Variants in SPP2 observed in about 807,000 individuals in gnomAD.
The protein encoded by SPP2 is secreted phosphoprotein 24.
In SPP2, 34 loss-of-function variants were observed where a neutral mutation model predicts 28.8. The ratio of observed to expected loss-of-function variants is 1.18; its 90% confidence interval spans 0.90 to 1.57. SPP2 has a LOEUF of 1.57. Ranked by LOEUF, SPP2 falls within the 40% of genes most tolerant of loss-of-function variation. The pLI is 0.00. For missense variants in SPP2, 269 were observed against 263.9 expected, an observed-to-expected ratio of 1.02 and a Z score of -0.13; for synonymous variants, 96 against 89.4, an observed-to-expected ratio of 1.07 and a Z score of -0.42.
intron 4 of SPP2, among the ~76,000 whole-genome samples, chr2:234,061,768 A>C (rs9636245): frequency 0.29 from 43,641 of 152,054 alleles, 6,428 homozygotes; most frequent in South Asian, 0.48. Flanking sequence ...AAGAGAACTT[A>C]ACACAGTTTA....
rs1199625002 is a variant in SPP2, at chr2:234,060,391, C to T, written c.356C>T (p.Thr119Ile). 6.2e-7 allele frequency: 1 copy of T among 1,614,030 alleles called. No homozygotes were observed. Among genetic ancestry groups the T allele is most frequent in the South Asian group, 1.1e-5 (1 of 91,074 alleles). Residue 119 changes from threonine (T) to isoleucine (I), a missense_variant, in exon 4 of 8, where the codon ACC becomes ATC. Coordinates refer to ENST00000168148, the MANE Select transcript of SPP2 (RefSeq NM_006944.3). The stretch of plus-strand genomic sequence containing the variant: ...CAGTCCACAGCTGTTTGCAGAAGCA[C>T]CGTGAAGGTATCTGCCCAGCAGGTG... ...YYVSTAVCRS[T>I]VKVSAQQVQG... is the part of the protein sequence containing the mutation.
chr2:234,065,595 T>A (rs1693803092), intron 4 of SPP2, among the ~76,000 whole-genome samples: 1 of 152,180 alleles, frequency 6.6e-6, no homozygotes, highest in African/African-American at 2.4e-5. Flanking sequence ...GTGGTTTTAA[T>A]TTACATTTTT....
intron 4 of SPP2, among the ~76,000 whole-genome samples, chr2:234,062,770 C>T (rs528294434): frequency 6.6e-6 from 1 of 152,164 alleles, no homozygotes; most frequent in Non-Finnish European, 1.5e-5. Context: ...AAATGGCCAG[C>T]TAAGTTAACG....
intron 2 of SPP2, among the ~76,000 whole-genome samples, chr2:234,055,104 G>T (rs1372440670): frequency 6.6e-6 from 1 of 151,928 alleles, no homozygotes; most frequent in African/African-American, 2.4e-5. Flanking sequence ...GAACCAATAT[G>T]ACATGCATAC....
intron 7 of SPP2, among the ~76,000 whole-genome samples, chr2:234,071,179 C>A (rs138553616): frequency 9.2e-5 from 14 of 152,334 alleles, no homozygotes; most frequent in African/African-American, 3.1e-4. Flanking sequence ...CACTTCACTA[C>A]CATCACCAAT....
intron 7 of SPP2, among the ~76,000 whole-genome samples, chr2:234,074,726 G>A (rs1690861600): frequency 6.6e-6 from 1 of 152,140 alleles, no homozygotes; most frequent in South Asian, 2.1e-4. Context: ...AATTCTCTGA[G>A]CCTCTGTTCC....
chr2:234,072,862 G>T (rs1386032570), intron 7 of SPP2, among the ~76,000 whole-genome samples: 1 of 152,060 alleles, frequency 6.6e-6, no homozygotes, highest in Non-Finnish European at 1.5e-5. Context: ...ATTACTTTTT[G>T]CTTTTTCTTG....
At chr2:234,050,912 C>T (rs1280206648) in intron 1 of SPP2, 41 bp downstream of exon 1, 1 of 1,613,996 alleles carries the variant, frequency 6.2e-7, no homozygotes, top group East Asian at 2.2e-5. Flanking sequence ...CTGGATCATG[C>T]AGAGCCATGC....
In SPP2 at chr2:234,058,324, T is replaced by C. The variant is rs560158284; in HGVS notation, c.211-512T>C. On this transcript the variant is annotated intron_variant, in intron 2 of 7. Transcript: ENST00000168148. ...GCAAAAAAAGCCACGAAATAGACCA[T>C]AAAAAGCACACTTGTTTTCAATATG... 5.9e-5 allele frequency among the ~76,000 whole-genome samples: 9 copies of C among 152,182 alleles called. No homozygotes were observed. The South Asian group carries it at 1.7e-3, about 28-fold the overall frequency.
intron 7 of SPP2, among the ~76,000 whole-genome samples, chr2:234,072,708 G>C (rs1690819480): frequency 2.0e-5 from 3 of 152,144 alleles, no homozygotes; most frequent in Non-Finnish European, 4.4e-5. Flanking sequence ...AATGAGGCTG[G>C]TAAGGCCGGC....
At chr2:234,057,532 C>G (rs558934161) in intron 2 of SPP2, among the ~76,000 whole-genome samples, 1 of 152,258 alleles carries the variant, frequency 6.6e-6, no homozygotes, top group South Asian at 2.1e-4. Flanking sequence ...TCTTGATAGC[C>G]CCATAACTAT....
intron 7 of SPP2, among the ~76,000 whole-genome samples, chr2:234,072,531 A>G (rs982283634): frequency 6.6e-5 from 10 of 152,184 alleles, no homozygotes; most frequent in African/African-American, 2.4e-4. Context: ...TAAATTCATC[A>G]TTTGATTTTT....
At chr2:234,053,758 G>A (rs979366971) in intron 2 of SPP2, among the ~76,000 whole-genome samples, 2 of 152,056 alleles carry the variant, frequency 1.3e-5, no homozygotes, top group Admixed American at 1.3e-4. Context: ...CTTGACATTA[G>A]GCTCACTTGG....
intron 3 of SPP2, 139 bp downstream of exon 3, chr2:234,059,097 C>A: frequency 9.7e-7 from 1 of 1,033,788 alleles, no homozygotes; most frequent in Non-Finnish European, 1.3e-6. Flanking sequence ...ATTGTGTCCC[C>A]TGGTGGGGGA....
At chr2:234,066,647 T>C in intron 5 of SPP2, 60 bp downstream of exon 5, 2 of 1,240,106 alleles carry the variant, frequency 1.6e-6, no homozygotes, top group Non-Finnish European at 2.3e-6. Flanking sequence ...ATTGCAACTC[T>C]TTGTTAGTGA....
intron 2 of SPP2, among the ~76,000 whole-genome samples, chr2:234,056,512 G>C (rs1442882049): frequency 6.6e-6 from 1 of 152,158 alleles, no homozygotes; most frequent in African/African-American, 2.4e-5. Context: ...CCTTCAAGAT[G>C]CAAAAGAGGT....
intron 2 of SPP2, among the ~76,000 whole-genome samples, chr2:234,055,493 C>A (rs1185519881): frequency 6.6e-6 from 1 of 152,168 alleles, no homozygotes; most frequent in Non-Finnish European, 1.5e-5. Flanking sequence ...AATATCTGGG[C>A]ACCATGGTTC....
intron 4 of SPP2, among the ~76,000 whole-genome samples, chr2:234,062,763 T>C (rs1458807554): frequency 1.3e-5 from 2 of 152,192 alleles, no homozygotes; most frequent in Non-Finnish European, 2.9e-5. Flanking sequence ...ATTTAGTAAA[T>C]GGCCAGCTAA....
At chr2:234,071,517 G>A (rs1261444414) in intron 7 of SPP2, among the ~76,000 whole-genome samples, 1 of 152,168 alleles carries the variant, frequency 6.6e-6, no homozygotes, top group East Asian at 1.9e-4. Flanking sequence ...ATCATGAAGG[G>A]CACACGTAAG....
Sources: allele counts gnomAD v4.1 joint callset (sites outside exome capture counted in the v4.1 genomes callset), GRCh38; gene constraint gnomAD v4.1.1; transcripts MANE v1.5; gene names NCBI Gene and HGNC (gene_info 2026-07-23, HGNC 2026-07-21).